FMN1: variants seen among roughly 807,000 people sequenced by gnomAD.
FMN1 encodes the protein formin-1.
Under a neutral mutation model 132.4 loss-of-function variants are expected in FMN1, and 110 were observed. The observed-to-expected ratio is 0.83, with a 90% CI of 0.71 to 0.97. FMN1 has a LOEUF of 0.97. FMN1 is among the 50% of genes least tolerant of loss of function. FMN1 has a pLI of 0.00. For synonymous variants in FMN1, 722 were observed against 651.7 expected (o/e 1.11, Z -1.64); for missense variants, 1,792 against 1,705.3 (o/e 1.05, Z -0.90).
intron 2 of FMN1, among the ~76,000 whole-genome samples, chr15:33,186,972 C>G (rs1454276724): frequency 6.6e-6 from 1 of 152,164 alleles, no homozygotes; most frequent in South Asian, 2.1e-4. Flanking sequence ...TCTGGCCCAC[C>G]TTGGATCAGA....
intron 6 of FMN1, among the ~76,000 whole-genome samples, chr15:33,039,889 TACTTCCC>T: frequency 6.6e-6 from 1 of 152,300 alleles, no homozygotes; most frequent in East Asian, 1.9e-4. Flanking sequence ...CTGGCCTTCC[TACTTCCC>T]CACTGCCGCC....
chr15:32,910,424 G>T, intron 11 of FMN1, 50 bp downstream of exon 11: 2 of 1,385,196 alleles, frequency 1.4e-6, no homozygotes, highest in Non-Finnish European at 2.0e-6. Flanking sequence ...TCATTTCTCA[G>T]GTAGAAGATA....
At chr15:32,929,350 A>G (rs371740021) in intron 9 of FMN1, among the ~76,000 whole-genome samples, 6 of 152,340 alleles carry the variant, frequency 3.9e-5, no homozygotes, top group East Asian at 1.9e-4. Flanking sequence ...GCACAGAATG[A>G]TATGTCCTAA....
At chr15:32,991,193 G>C (rs343933) in intron 7 of FMN1, among the ~76,000 whole-genome samples, 75,812 of 151,874 alleles carry the variant, frequency 0.5, 20,392 homozygotes, top group East Asian at 0.77. Flanking sequence ...ATTTTCTCTC[G>C]GTTTCAGAAG....
At chr15:32,835,890 T>C (rs1459016950) in intron 17 of FMN1, among the ~76,000 whole-genome samples, 1 of 152,172 alleles carries the variant, frequency 6.6e-6, no homozygotes, top group Non-Finnish European at 1.5e-5. Context: ...AGACAGGTTC[T>C]CACTCTGTTA....
At chr15:33,143,844 G>A (rs1964104416) in intron 4 of FMN1, among the ~76,000 whole-genome samples, 1 of 152,166 alleles carries the variant, frequency 6.6e-6, no homozygotes, top group Non-Finnish European at 1.5e-5. Context: ...AAAAGATAAG[G>A]TCCTACATTC....
intron 17 of FMN1, among the ~76,000 whole-genome samples, chr15:32,832,041 T>C (rs1057144428): frequency 5.9e-5 from 9 of 152,190 alleles, no homozygotes; most frequent in Non-Finnish European, 1.2e-4. Context: ...ACCAACAATA[T>C]AGAGTTCCTG....
chr15:33,153,911 T>C lies in FMN1; in HGVS notation c.1004A>G (p.Asp335Gly). ...TACTCTTTGTACCTGGGAGGACAGG[T>C]CCTGAACTTTGGCCACCACTTTGGA... ...PVSKVVAKVQ[D>G]LSSQVQRVVK... The change falls in exon 4 of 21, where the codon GAC becomes GGC. Residue 335 changes from aspartate (D) to glycine (G), a missense_variant. Physicochemically the swap from Asp to Gly is moderately conservative, Grantham distance 94 (BLOSUM62 -1). Transcript: ENST00000616417. The C allele has an allele frequency of 1.3e-6, 2 of 1,536,788 alleles. No homozygotes were observed. Among genetic ancestry groups the C allele is most frequent in the Non-Finnish European group, 1.7e-6 (2 of 1,147,048 alleles).
chr15:32,971,812 C>T (rs1322547584), intron 7 of FMN1, among the ~76,000 whole-genome samples: 1 of 152,178 alleles, frequency 6.6e-6, no homozygotes, highest in Admixed American at 6.5e-5. Flanking sequence ...TCTGCCTCCC[C>T]TATCAGATTA....
intron 19 of FMN1, among the ~76,000 whole-genome samples, chr15:32,798,396 G>A (rs1443499001): frequency 6.6e-6 from 1 of 151,550 alleles, no homozygotes; most frequent in Non-Finnish European, 1.5e-5. Context: ...GAGTCACAGA[G>A]ATTTTCCTTT....
At chr15:32,804,823 C>T (rs191855451) in intron 17 of FMN1, among the ~76,000 whole-genome samples, 1 of 152,250 alleles carries the variant, frequency 6.6e-6, no homozygotes, top group African/African-American at 2.4e-5. Flanking sequence ...ATCCGTGTCC[C>T]TGCAAAGGGC....
intron 4 of FMN1, among the ~76,000 whole-genome samples, chr15:33,133,249 G>A (rs1336643331): frequency 2.0e-5 from 3 of 152,188 alleles, no homozygotes; most frequent in Non-Finnish European, 2.9e-5. Context: ...AGAGTGTGTG[G>A]TTGAAAGAAC....
At chr15:32,890,913 TGTAAG>T (rs1430656104) in intron 15 of FMN1, among the ~76,000 whole-genome samples, 3 of 152,228 alleles carry the variant, frequency 2.0e-5, no homozygotes, top group Non-Finnish European at 2.9e-5. Flanking sequence ...TTGATTTTTG[TGTAAG>T]GTGAGAGATG....
chr15:32,879,201 G>C (rs1006831596), intron 16 of FMN1, among the ~76,000 whole-genome samples: 2 of 152,236 alleles, frequency 1.3e-5, no homozygotes, highest in Admixed American at 6.5e-5. Flanking sequence ...GGTCTGTTTT[G>C]TTGAAATCAT....
chr15:33,108,966 GAGA>G lies in FMN1; in HGVS notation c.1868-19995_1868-19993del, dbSNP rs565928571. Among the ~76,000 whole-genome samples, 557 of 152,246 alleles carry G rather than the reference GAGA, an allele frequency of 3.7e-3. 7 individuals are homozygous for G. The highest frequency in any genetic ancestry group is 4.8e-3 in the Non-Finnish European group (324 of 67,982). ...AGACAATCAATCAGTTACCAGGACA[GAGA>G]AGGAGTTATCCAGTCTAATACTAAA... is the stretch of plus-strand genomic sequence containing the variant. On this transcript the variant is annotated intron_variant, in intron 4 of 20. Coordinates refer to ENST00000616417, the MANE Select transcript of FMN1 (RefSeq NM_001277313.2).
intron 4 of FMN1, among the ~76,000 whole-genome samples, chr15:33,121,814 A>G (rs980465069): frequency 2.0e-5 from 3 of 152,132 alleles, no homozygotes; most frequent in Non-Finnish European, 4.4e-5. Flanking sequence ...TATAGGCGTG[A>G]GCCACCACAC....
intron 6 of FMN1, among the ~76,000 whole-genome samples, chr15:33,011,873 G>A (rs1425928192): frequency 1.3e-5 from 2 of 152,144 alleles, no homozygotes; most frequent in Admixed American, 6.6e-5. Context: ...AATATTTAAG[G>A]TCTGACAACA....
intron 6 of FMN1, among the ~76,000 whole-genome samples, chr15:33,037,507 G>A (rs1209340595): frequency 6.6e-6 from 1 of 152,162 alleles, no homozygotes; most frequent in Non-Finnish European, 1.5e-5. Context: ...TCATATATGA[G>A]GGAACTGGCT....
Position 32,926,271 on chromosome 15 carries a change from GAAAA to G in FMN1, c.3139-14_3139-11del. On this transcript the variant is annotated splice_polypyrimidine_tract_variant and intron_variant, in intron 9 of 20. Transcript: ENST00000616417. ...CCAACAATTTGATGATCTAAAATTAGAAAAAAAAAAAAAAGAATACAAGCTCAAA... is the reference window on the plus strand; with the variant it reads ...CCAACAATTTGATGATCTAAAATTAGAAAAAAAAAAGAATACAAGCTCAAA... 1.4e-5 allele frequency: 14 copies of G among 994,214 alleles called. No individual in the cohort carries two copies. The highest frequency in any genetic ancestry group is 6.8e-5 in the Admixed American group (2 of 29,504). 61.6% of individuals were successfully genotyped at this position (994,214 alleles called of 1,614,324 possible).
Sources: allele counts gnomAD v4.1 joint callset (sites outside exome capture counted in the v4.1 genomes callset), GRCh38; gene constraint gnomAD v4.1.1; transcripts MANE v1.5; gene names NCBI Gene and HGNC (gene_info 2026-07-23, HGNC 2026-07-21).